EPDR1: variants seen among roughly 807,000 people sequenced by gnomAD.
EPDR1 encodes the protein mammalian ependymin-related protein 1.
EPDR1 carries 27 observed loss-of-function variants against 23.7 expected under a neutral mutation model. That is an observed-to-expected ratio of 1.14 (90% CI 0.84 to 1.57). The LOEUF is 1.57. EPDR1 is among the 40% of genes most tolerant of loss of function. The pLI is 0.00. For synonymous variants in EPDR1, 137 were observed against 118.2 expected, an observed-to-expected ratio of 1.16 and a Z score of -1.03; for missense variants, 349 against 290.4, an observed-to-expected ratio of 1.20 and a Z score of -1.47.
At position 37,920,655 on chromosome 7, in the gene EPDR1, G is replaced by T. The variant is rs762560906; in HGVS notation, c.-285G>T. The T allele has an allele frequency of 6.4e-7, 1 of 1,573,664 alleles. No homozygotes were observed. Among genetic ancestry groups the T allele is most frequent in the Non-Finnish European group, 8.7e-7 (1 of 1,153,802 alleles). On this transcript the variant is annotated 5_prime_UTR_variant, in exon 1 of 3. Transcript: ENST00000199448. ...AGCAGTGAGCAGTGAAAACCGAAGC[G>T]GCAGAAGGCAGTGGCAGCAGGCAGT...
In EPDR1 at chr7:37,949,017, G is replaced by A. The variant is rs770824542; in HGVS notation, c.447G>A (p.Gln149=). Reference sequence around the variant, plus strand: ...GGCCTCAGGAGCAGATCACCGTCCAGGAGTGGTCGGACAGAAAGTCAGCTA... The same window carrying A: ...GGCCTCAGGAGCAGATCACCGTCCAAGAGTGGTCGGACAGAAAGTCAGCTA... The part of the protein sequence containing the change: ...IGGPQEQITV[Q]EWSDRKSARS... The change falls in exon 2 of 3, where the codon CAG becomes CAA. Residue 149 remains glutamine, a synonymous_variant. Transcript: ENST00000199448. 6 of 1,614,040 alleles carry A rather than the reference G, an allele frequency of 3.7e-6. No homozygotes were observed. The highest frequency in any genetic ancestry group is 5.1e-6 in the Non-Finnish European group (6 of 1,180,042).
In EPDR1 at chr7:37,947,975, C is replaced by G. The variant is rs113455725; in HGVS notation, c.270-865C>G. Among the ~76,000 whole-genome samples the G allele has an allele frequency of 3.2e-3, 495 of 152,338 alleles. 1 individual carries two copies. Among genetic ancestry groups the G allele is most frequent in the African/African-American group, 0.011 (471 of 41,574 alleles). ...GGTCGCCTCAGCTTTTGTCTTTGCT[C>G]TCATCTCAGCCACTGCAGGGTATGT... On this transcript the variant is annotated intron_variant, in intron 1 of 2. Transcript: ENST00000199448.
At chr7:37,937,666 C>T (rs1191751327) in intron 1 of EPDR1, among the ~76,000 whole-genome samples, 1 of 152,146 alleles carries the variant, frequency 6.6e-6, no homozygotes. Flanking sequence ...ACAATGGAGG[C>T]TTCTGAGGTG....
In EPDR1 at chr7:37,920,848, C is replaced by T; in HGVS notation, c.-92C>T. On this transcript the variant is annotated 5_prime_UTR_variant, in exon 1 of 3. Transcript: ENST00000199448. ...TCCAGACCACACTCCCGGCACAGTGCGGAAAGAGCCGGCGGGAGCCACTCT... is the reference window on the plus strand; with the variant it reads ...TCCAGACCACACTCCCGGCACAGTGTGGAAAGAGCCGGCGGGAGCCACTCT... 6.2e-7 allele frequency: 1 copy of T among 1,610,490 alleles called. No individual in the cohort carries two copies. Among genetic ancestry groups the T allele is most frequent in the Non-Finnish European group, 8.5e-7 (1 of 1,178,718 alleles).
chr7:37,928,863 T>A (rs888300117), intron 1 of EPDR1, among the ~76,000 whole-genome samples: 2 of 152,198 alleles, frequency 1.3e-5, no homozygotes, highest in Non-Finnish European at 2.9e-5. Context: ...CAAACTTTTA[T>A]TATGTCTCGG....
At chr7:37,943,382 C>T (rs997246456) in intron 1 of EPDR1, among the ~76,000 whole-genome samples, 41 of 152,210 alleles carry the variant, frequency 2.7e-4, no homozygotes, top group Non-Finnish European at 4.3e-4. Flanking sequence ...AGCATCCCCA[C>T]TCTGATTACT....
chr7:37,935,644 C>G (rs563856621), intron 1 of EPDR1, among the ~76,000 whole-genome samples: 1 of 152,032 alleles, frequency 6.6e-6, no homozygotes, highest in African/African-American at 2.4e-5. Flanking sequence ...TGTCTGTAAA[C>G]CTTATGCCAA....
intron 1 of EPDR1, among the ~76,000 whole-genome samples, chr7:37,923,818 G>C (rs111843865): frequency 6.6e-5 from 10 of 152,226 alleles, no homozygotes; most frequent in African/African-American, 2.2e-4. Context: ...TACTTATAAT[G>C]CCTAATTTAT....
chr7:37,931,206 T>C (rs1785930504), intron 1 of EPDR1, among the ~76,000 whole-genome samples: 1 of 152,168 alleles, frequency 6.6e-6, no homozygotes. Context: ...GTTTATGGCA[T>C]TTACAGCTCT....
At chr7:37,922,003 A>G (rs1436034302) in intron 1 of EPDR1, among the ~76,000 whole-genome samples, 1 of 152,166 alleles carries the variant, frequency 6.6e-6, no homozygotes, top group Non-Finnish European at 1.5e-5. Context: ...GACAAAGGAA[A>G]CCCTCTTTTT....
At chr7:37,922,930 C>A (rs2131997383) in intron 1 of EPDR1, among the ~76,000 whole-genome samples, 1 of 152,294 alleles carries the variant, frequency 6.6e-6, no homozygotes, top group African/African-American at 2.4e-5. Context: ...AGTTCCAAAA[C>A]ACCTGTACAG....
At chr7:37,937,073 G>C (rs1405486751) in intron 1 of EPDR1, among the ~76,000 whole-genome samples, 2 of 152,140 alleles carry the variant, frequency 1.3e-5, no homozygotes, top group Non-Finnish European at 2.9e-5. Context: ...CAATTCAGTG[G>C]AATAAAATAG....
At position 37,926,508 on chromosome 7, in the gene EPDR1, G is replaced by A. The variant is rs146668550; in HGVS notation, c.269+5300G>A. On this transcript the variant is annotated intron_variant, in intron 1 of 2. Transcript: ENST00000199448. ...AAAAAAAAAAAAAAAAGATTTAAAT[G>A]CAAGCATTACACTTAAGTGTGGTGT... 2.1e-3 allele frequency among the ~76,000 whole-genome samples: 307 copies of A among 144,234 alleles called. 1 individual carries two copies. Among genetic ancestry groups the A allele is most frequent in the African/African-American group, 7.4e-3 (294 of 39,622 alleles). The allele number at this position is 144,234 out of a possible 152,430, so 94.6% of individuals were successfully genotyped here.
intron 1 of EPDR1, among the ~76,000 whole-genome samples, chr7:37,946,893 GCTGT>G (rs1285341975): frequency 6.6e-6 from 1 of 152,042 alleles, no homozygotes. Flanking sequence ...TGTGTTTTAA[GCTGT>G]CTTACTACAA....
Position 37,950,260 on chromosome 7 carries a change from C to T in EPDR1, c.539C>T (p.Thr180Ile), listed in dbSNP as rs371475399. ...TGCTATCCTGTCCAGGAAACCTTTA[C>T]CATAAACTACAGTGTGATATTGTCT... ...KDCYPVQETFTINYSVILSTR... is the reference protein window; with the variant it reads ...KDCYPVQETFIINYSVILSTR... The change falls in exon 3 of 3, where the codon ACC becomes ATC. Residue 180 changes from threonine (T) to isoleucine (I), a missense_variant. Thr to Ile is a moderately conservative substitution (Grantham distance 89, BLOSUM62 -1). Transcript: ENST00000199448. 15 of 1,614,010 alleles carry T rather than the reference C, an allele frequency of 9.3e-6. No individual in the cohort carries two copies. The African/African-American group carries it at 1.1e-4, about 11-fold the overall frequency.
chr7:37,939,961 C>T (rs761742894), intron 1 of EPDR1, among the ~76,000 whole-genome samples: 4 of 152,194 alleles, frequency 2.6e-5, no homozygotes, highest in Admixed American at 6.5e-5. Flanking sequence ...TTACCCTAAA[C>T]ATACAACTCC....
intron 1 of EPDR1, among the ~76,000 whole-genome samples, chr7:37,929,873 T>C (rs548833582): frequency 3.9e-5 from 6 of 152,316 alleles, no homozygotes; most frequent in African/African-American, 1.4e-4. Context: ...TGCCTCAATT[T>C]CAATTTTGGG....
chr7:37,920,684 A>G lies in EPDR1; in HGVS notation c.-256A>G. On this transcript the variant is annotated 5_prime_UTR_variant, in exon 1 of 3. Coordinates refer to ENST00000199448, the MANE Select transcript of EPDR1 (RefSeq NM_017549.5). Reference sequence around the variant, plus strand: ...GAAGGCAGTGGCAGCAGGCAGTGGCAGCAGGCAGTGGCCCAGGCAGAAATA... The same window carrying G: ...GAAGGCAGTGGCAGCAGGCAGTGGCGGCAGGCAGTGGCCCAGGCAGAAATA... 1 of 1,200,028 alleles carries G rather than the reference A, an allele frequency of 8.3e-7. No homozygotes were observed. The allele number at this position is 1,200,028 out of a possible 1,614,324, so 74.3% of individuals were successfully genotyped here. A position where few individuals can be genotyped will look rare whatever the true frequency, so the allele number is the denominator to read the frequency against.
chr7:37,927,258 C>A (rs1361336607), intron 1 of EPDR1, among the ~76,000 whole-genome samples: 1 of 152,234 alleles, frequency 6.6e-6, no homozygotes, highest in Non-Finnish European at 1.5e-5. Context: ...TCCCCACACA[C>A]ACTCATACAT....
Sources: gnomAD v4.1 joint callset for allele counts (sites outside exome capture counted in the v4.1 genomes callset) on GRCh38, gnomAD v4.1.1 for gene constraint, MANE v1.5 for transcripts, NCBI Gene and HGNC (gene_info 2026-07-23, HGNC 2026-07-21) for gene names.